Variants in RFX3 observed in about 807,000 individuals in gnomAD.
The protein encoded by RFX3 is transcription factor RFX3.
A neutral mutation model predicts 98.6 loss-of-function variants in RFX3; 14 were observed. The observed-to-expected ratio is 0.14, with a 90% CI of 0.09 to 0.22. RFX3 has a LOEUF of 0.22. Among genes scored for constraint, RFX3 ranks in the 10% least tolerant of loss-of-function variants. The pLI, the probability that RFX3 is intolerant of heterozygous loss-of-function variation, is 1.00. For missense variants in RFX3, 639 were observed against 926.9 expected (o/e 0.69, Z 4.03); for synonymous variants, 383 against 328.4 (o/e 1.17, Z -1.80).
chr9:3,314,775 C>A (rs747087707), intron 4 of RFX3, among the ~76,000 whole-genome samples: 3 of 151,814 alleles, frequency 2.0e-5, no homozygotes, highest in Non-Finnish European at 4.4e-5. Flanking sequence ...AAGAGACAAA[C>A]AGGGCCATTA....
chr9:3,288,066 AAAGGAGACCCGAACAACT>A (rs1826871882), intron 7 of RFX3, 47 bp downstream of exon 7: 2 of 1,511,768 alleles, frequency 1.3e-6, no homozygotes, highest in Non-Finnish European at 1.8e-6. Context: ...TGTTCAGAAA[AAAGGAGACCCGAACAACT>A]AAGAAATACA....
chr9:3,349,869 G>C (rs1456943016), intron 2 of RFX3, among the ~76,000 whole-genome samples: 1 of 151,806 alleles, frequency 6.6e-6, no homozygotes, highest in Non-Finnish European at 1.5e-5. Flanking sequence ...CTTTTGACTT[G>C]GAATTATGAA....
intron 2 of RFX3, among the ~76,000 whole-genome samples, chr9:3,364,145 A>T (rs972527556): frequency 6.6e-6 from 1 of 152,180 alleles, no homozygotes; most frequent in Non-Finnish European, 1.5e-5. Context: ...AAGTGCTGGG[A>T]TTACAGGCAT....
chr9:3,431,587 T>C (rs1844661115), intron 1 of RFX3, among the ~76,000 whole-genome samples: 1 of 152,316 alleles, frequency 6.6e-6, no homozygotes, highest in Admixed American at 6.5e-5. Context: ...GGGTGCAGGA[T>C]TGCTATAAGA....
At chr9:3,494,093 A>G (rs1313022443) in intron 1 of RFX3, among the ~76,000 whole-genome samples, 1 of 152,166 alleles carries the variant, frequency 6.6e-6, no homozygotes, top group African/African-American at 2.4e-5. Context: ...CACAGAAGAT[A>G]TCACGTATCT....
intron 2 of RFX3, among the ~76,000 whole-genome samples, chr9:3,395,089 G>A (rs1460837683): frequency 6.6e-6 from 1 of 152,108 alleles, no homozygotes; most frequent in Non-Finnish European, 1.5e-5. Context: ...GTACTACTGT[G>A]AGCCAACTAA....
At chr9:3,419,203 G>T (rs1170985317) in intron 1 of RFX3, among the ~76,000 whole-genome samples, 1 of 151,946 alleles carries the variant, frequency 6.6e-6, no homozygotes, top group Non-Finnish European at 1.5e-5. Context: ...GCGCAACTTC[G>T]ATGCTTTCAA....
At chr9:3,441,203 A>G (rs747406815) in intron 1 of RFX3, among the ~76,000 whole-genome samples, 4 of 152,210 alleles carry the variant, frequency 2.6e-5, no homozygotes, top group African/African-American at 4.8e-5. Context: ...CATTAATGAT[A>G]ATAAACCGCA....
chr9:3,225,376 GA>G lies in RFX3; in HGVS notation c.2012-97del. The stretch of plus-strand genomic sequence containing the variant: ...GAAACACTTTAATATAGGACATTAC[GA>G]AAGCAACAGCTTAGCTCTTCTCAGG... On this transcript the variant is annotated intron_variant, in intron 16 of 16. Coordinates refer to ENST00000617270, the MANE Select transcript of RFX3 (RefSeq NM_001282116.2). The G allele has an allele frequency of 3.3e-6, 5 of 1,508,282 alleles. No individual in the cohort carries two copies. In the South Asian group the frequency reaches 6.7e-5, roughly 20 times the overall value. The allele number at this position is 1,508,282 out of a possible 1,614,324, so 93.4% of individuals were successfully genotyped here. A position where few individuals can be genotyped will look rare whatever the true frequency, so the allele number is the denominator to read the frequency against.
At chr9:3,476,044 T>G (rs1281350082) in intron 1 of RFX3, among the ~76,000 whole-genome samples, 1 of 152,160 alleles carries the variant, frequency 6.6e-6, no homozygotes, top group South Asian at 2.1e-4. Context: ...TGGTCACTTC[T>G]CACTATGTCC....
rs974517679 is a variant in RFX3, at chr9:3,283,459, T to G, written c.851+4672A>C. Among the ~76,000 whole-genome samples, 3 of 151,830 alleles carry G rather than the reference T, an allele frequency of 2.0e-5. No individual in the cohort carries two copies. The East Asian group carries it at 5.8e-4, about 29-fold the overall frequency. ...AGTTAAGTCATACACTCTGCAGAAG[T>G]GCCTATGTAGCCTGTACTCAATTCC... is the stretch of plus-strand genomic sequence containing the variant. On this transcript the variant is annotated intron_variant, in intron 7 of 16. Coordinates refer to ENST00000617270, the MANE Select transcript of RFX3 (RefSeq NM_001282116.2).
At chr9:3,411,185 T>C (rs1209179121) in intron 1 of RFX3, among the ~76,000 whole-genome samples, 1 of 152,204 alleles carries the variant, frequency 6.6e-6, no homozygotes, top group African/African-American at 2.4e-5. Flanking sequence ...GTTATTTGCA[T>C]ATGAAAATTA....
At chr9:3,345,743 A>G (rs1490248252) in intron 3 of RFX3, among the ~76,000 whole-genome samples, 1 of 152,190 alleles carries the variant, frequency 6.6e-6, no homozygotes, top group Non-Finnish European at 1.5e-5. Context: ...GATAACAACA[A>G]CTGAACTCAC....
Position 3,224,272 on chromosome 9 carries a change from C to T in RFX3, c.*770G>A, listed in dbSNP as rs547889448. 6.6e-6 allele frequency: 1 copy of T among 152,102 alleles called. No individual in the cohort carries two copies. The highest frequency in any genetic ancestry group is 2.1e-4 in the South Asian group (1 of 4,812). The allele number at this position is 152,102 out of a possible 1,614,324, so 9.4% of individuals were successfully genotyped here. ...TGTGCAGTGGTCCCAAATACAGAAT[C>T]AGTAGTCTTTAAACAGAGGAATTGG... On this transcript the variant is annotated 3_prime_UTR_variant, in exon 17 of 17. Coordinates refer to ENST00000617270, the MANE Select transcript of RFX3 (RefSeq NM_001282116.2).
At chr9:3,457,821 G>C (rs1421589365) in intron 1 of RFX3, among the ~76,000 whole-genome samples, 1 of 151,928 alleles carries the variant, frequency 6.6e-6, no homozygotes, top group South Asian at 2.1e-4. Flanking sequence ...CACCAAACTA[G>C]AGTAAAGAAT....
At chr9:3,467,365 C>A (rs764189389) in intron 1 of RFX3, among the ~76,000 whole-genome samples, 4 of 148,710 alleles carry the variant, frequency 2.7e-5, no homozygotes, top group Non-Finnish European at 4.4e-5. Flanking sequence ...TATCACTGAG[C>A]CAAGGCTTTC....
intron 12 of RFX3, among the ~76,000 whole-genome samples, chr9:3,265,504 A>G (rs1168669466): frequency 2.6e-5 from 4 of 152,202 alleles, no homozygotes; most frequent in African/African-American, 9.7e-5. Context: ...ACAGTCATTG[A>G]CAAGAAGTCA....
chr9:3,427,390 AATAT>A (rs1192316102), intron 1 of RFX3, among the ~76,000 whole-genome samples: 3 of 141,016 alleles, frequency 2.1e-5, no homozygotes, highest in Admixed American at 7.3e-5. Context: ...ATAATAATAC[AATAT>A]ATATAAATAT....
intron 1 of RFX3, among the ~76,000 whole-genome samples, chr9:3,472,749 A>C (rs1169555277): frequency 6.6e-6 from 1 of 152,240 alleles, no homozygotes; most frequent in African/African-American, 2.4e-5. Context: ...AAGAATGAAT[A>C]CTAGGCTTAT....
Sources: gnomAD v4.1 joint callset for allele counts (sites outside exome capture counted in the v4.1 genomes callset) on GRCh38, gnomAD v4.1.1 for gene constraint, MANE v1.5 for transcripts, NCBI Gene and HGNC (gene_info 2026-07-23, HGNC 2026-07-21) for gene names.